Variants in CACNA2D3 observed in about 807,000 individuals in gnomAD.
CACNA2D3 encodes the protein voltage-dependent calcium channel subunit alpha-2/delta-3.
CACNA2D3 carries 60 observed loss-of-function variants against 160.6 expected under a neutral mutation model. That is an observed-to-expected ratio of 0.37 (90% CI 0.30 to 0.46). The LOEUF (loss-of-function observed/expected upper bound fraction) is 0.46. Among genes scored for constraint, CACNA2D3 ranks in the 20% least tolerant of loss-of-function variants. CACNA2D3 has a pLI of 1.00. For synonymous variants in CACNA2D3, 558 were observed against 492.9 expected (o/e 1.13, Z -1.75); for missense variants, 1,205 against 1,365.0 (o/e 0.88, Z 1.85).
chr3:54,401,140 C>A (rs760531636), intron 4 of CACNA2D3, among the ~76,000 whole-genome samples: 1 of 151,554 alleles, frequency 6.6e-6, no homozygotes, highest in South Asian at 2.1e-4. Flanking sequence ...CTAGATCAAG[C>A]AGAAGAAAGA....
chr3:54,684,140 T>C (rs1430369780), intron 11 of CACNA2D3, among the ~76,000 whole-genome samples: 1 of 151,994 alleles, frequency 6.6e-6, no homozygotes, highest in Non-Finnish European at 1.5e-5. Context: ...TTTGTATTTT[T>C]AGTAGAGAGA....
chr3:54,922,656 G>A (rs1398477789), intron 27 of CACNA2D3, among the ~76,000 whole-genome samples: 4 of 152,176 alleles, frequency 2.6e-5, no homozygotes, highest in African/African-American at 9.6e-5. Context: ...AGACACTGTT[G>A]ACTTCCCTAA....
chr3:54,140,359 G>C (rs1400557180), intron 2 of CACNA2D3, among the ~76,000 whole-genome samples: 1 of 152,214 alleles, frequency 6.6e-6, no homozygotes, highest in African/African-American at 2.4e-5. Context: ...AAACACTGTA[G>C]GTTCTCCAGT....
At chr3:54,540,976 T>G (rs992356350) in intron 5 of CACNA2D3, among the ~76,000 whole-genome samples, 1 of 151,988 alleles carries the variant, frequency 6.6e-6, no homozygotes, top group Non-Finnish European at 1.5e-5. Flanking sequence ...TAATAATAGG[T>G]GTCCTTTTAA....
chr3:54,864,277 C>CT (rs111622287), intron 17 of CACNA2D3, among the ~76,000 whole-genome samples: 1,699 of 143,986 alleles, frequency 0.012, 30 homozygotes, highest in African/African-American at 0.038. Flanking sequence ...TGTAGGTGTT[C>CT]TTTTTTTTTT....
intron 2 of CACNA2D3, among the ~76,000 whole-genome samples, chr3:54,299,739 C>T (rs537948133): frequency 2.9e-4 from 44 of 152,112 alleles, no homozygotes; most frequent in Middle Eastern, 6.8e-3. Context: ...AAGCGTCCCC[C>T]GGGGAAAAGG....
chr3:55,000,776 C>T (rs1240415250), intron 31 of CACNA2D3, among the ~76,000 whole-genome samples: 2 of 152,000 alleles, frequency 1.3e-5, no homozygotes, highest in African/African-American at 4.8e-5. Flanking sequence ...ACTCATCAGC[C>T]CTTCAGCTTG....
chr3:54,180,745 T>G (rs558318984), intron 2 of CACNA2D3, among the ~76,000 whole-genome samples: 42 of 152,360 alleles, frequency 2.8e-4, no homozygotes, highest in African/African-American at 9.1e-4. Context: ...CAGACCTGGC[T>G]GTTGCCCTGC....
chr3:54,605,153 A>C (rs188299392), intron 9 of CACNA2D3, among the ~76,000 whole-genome samples: 10 of 152,246 alleles, frequency 6.6e-5, no homozygotes, highest in African/African-American at 2.4e-4. Context: ...TCACCTGGTC[A>C]TCTTTTCTAA....
At chr3:54,372,951 C>T (rs1423325065) in intron 3 of CACNA2D3, among the ~76,000 whole-genome samples, 1 of 152,226 alleles carries the variant, frequency 6.6e-6, no homozygotes, top group Non-Finnish European at 1.5e-5. Flanking sequence ...CAGGCACATA[C>T]ATTTCATTCA....
chr3:54,299,259 G>A (rs553585004), intron 2 of CACNA2D3, among the ~76,000 whole-genome samples: 41 of 151,804 alleles, frequency 2.7e-4, no homozygotes, highest in Non-Finnish European at 5.2e-4. Flanking sequence ...ACATAGCAGA[G>A]GCAGGGAGGA....
intron 35 of CACNA2D3, among the ~76,000 whole-genome samples, chr3:55,062,531 T>C (rs1211472992): frequency 6.6e-6 from 1 of 152,032 alleles, no homozygotes; most frequent in Non-Finnish European, 1.5e-5. Flanking sequence ...CAAAACAAAA[T>C]ATTAATAGCT....
intron 13 of CACNA2D3, among the ~76,000 whole-genome samples, chr3:54,809,537 C>T (rs1268305020): frequency 2.1e-5 from 3 of 142,010 alleles, no homozygotes; most frequent in Non-Finnish European, 4.4e-5. Flanking sequence ...CCAGGATGGT[C>T]TCGATCTCCT....
intron 2 of CACNA2D3, among the ~76,000 whole-genome samples, chr3:54,226,157 C>T (rs535072921): frequency 7.2e-5 from 11 of 152,178 alleles, no homozygotes; most frequent in South Asian, 4.2e-4. Context: ...AGGTCTGTTT[C>T]GGTTTTCTGC....
chr3:54,233,832 A>G (rs1701823282), intron 2 of CACNA2D3, among the ~76,000 whole-genome samples: 1 of 152,206 alleles, frequency 6.6e-6, no homozygotes, highest in African/African-American at 2.4e-5. Context: ...GTAGGGCTGC[A>G]TTAGGAATTG....
intron 35 of CACNA2D3, among the ~76,000 whole-genome samples, chr3:55,032,153 T>A (rs1465005467): frequency 6.6e-6 from 1 of 152,092 alleles, no homozygotes. Context: ...CTCAGAGGAG[T>A]AAACTCTCCT....
chr3:54,149,961 T>C (rs1473116175), intron 2 of CACNA2D3, among the ~76,000 whole-genome samples: 1 of 79,000 alleles, frequency 1.3e-5, no homozygotes, highest in Non-Finnish European at 2.3e-5. Context: ...CCCTCCCTCT[T>C]CCTCCCCCCT....
intron 4 of CACNA2D3, among the ~76,000 whole-genome samples, chr3:54,463,872 C>G (rs978910138): frequency 2.6e-5 from 4 of 152,178 alleles, no homozygotes; most frequent in Non-Finnish European, 4.4e-5. Flanking sequence ...TCCAGTTTTT[C>G]TGCTCTGTTT....
intron 14 of CACNA2D3, among the ~76,000 whole-genome samples, chr3:54,836,780 A>G (rs1575503594): frequency 6.6e-6 from 1 of 152,144 alleles, no homozygotes. Context: ...CTGATCCTCA[A>G]TATTTAGATT....
Sources: gnomAD v4.1 joint callset for allele counts (sites outside exome capture counted in the v4.1 genomes callset) on GRCh38, gnomAD v4.1.1 for gene constraint, MANE v1.5 for transcripts, NCBI Gene and HGNC (gene_info 2026-07-23, HGNC 2026-07-21) for gene names.